Variants in DYDC1 observed in about 807,000 individuals in gnomAD.
The protein encoded by DYDC1 is DPY30 domain containing 1, also known as DPY30 domain-containing protein 1.
In DYDC1, 21 loss-of-function variants were observed where a neutral mutation model predicts 27.9. The observed-to-expected ratio is 0.75, with a 90% CI of 0.53 to 1.08. The LOEUF (loss-of-function observed/expected upper bound fraction) is 1.08. Among genes scored for constraint, DYDC1 ranks in the 50% least tolerant of loss-of-function variants. The pLI, the probability that DYDC1 is intolerant of heterozygous loss-of-function variation, is 0.00. For missense variants in DYDC1, 202 were observed against 205.9 expected, an observed-to-expected ratio of 0.98 and a Z score of 0.12; for synonymous variants, 67 against 65.8, an observed-to-expected ratio of 1.02 and a Z score of -0.09.
Position 80,346,444 on chromosome 10 carries a change from C to CTTTTTTTTTTTTTTTTTTTTTTTT in DYDC1, c.250-4107_250-4084dup, listed in dbSNP as rs1032729095. Among the ~76,000 whole-genome samples, 54 of 83,358 alleles carry CTTTTTTTTTTTTTTTTTTTTTTTT rather than the reference C, an allele frequency of 6.5e-4. 8 individuals are homozygous for CTTTTTTTTTTTTTTTTTTTTTTTT. The highest frequency in any genetic ancestry group is 2.2e-3 in the African/African-American group (44 of 20,114). The allele number at this position is 83,358 out of a possible 152,430, so 54.7% of individuals were successfully genotyped here. A position where few individuals can be genotyped will look rare whatever the true frequency, so the allele number is the denominator to read the frequency against. On this transcript the variant is annotated intron_variant, in intron 3 of 6. Coordinates refer to ENST00000372202, the MANE Select transcript of DYDC1 (RefSeq NM_001269053.2). Reference sequence around the variant, plus strand: ...TCACCAATGTGTGTCTCTTCCCTTTCTTTTTTTTTTTTTTTTTTTTTTTTT... The same window carrying CTTTTTTTTTTTTTTTTTTTTTTTT: ...TCACCAATGTGTGTCTCTTCCCTTTCTTTTTTTTTTTTTTTTTTTTTTTTTTTTTTTTTTTTTTTTTTTTTTTTT...
At chr10:80,351,792 G>A (rs1564666260) in intron 3 of DYDC1, 109 bp downstream of exon 3, 9 of 927,958 alleles carry the variant, frequency 9.7e-6, no homozygotes, top group African/African-American at 1.7e-5. Flanking sequence ...ATATTAGGAA[G>A]CCATATCTAA....
chr10:80,336,233 T>G, intron 6 of DYDC1, 48 bp from the exon 7 acceptor site: 1 of 1,524,136 alleles, frequency 6.6e-7, no homozygotes, highest in Non-Finnish European at 8.7e-7. Context: ...ATTAGAACTG[T>G]GAAAAGGCAC....
At chr10:80,343,977 G>A (rs1362182934) in intron 3 of DYDC1, among the ~76,000 whole-genome samples, 2 of 152,046 alleles carry the variant, frequency 1.3e-5, no homozygotes, top group East Asian at 1.9e-4. Context: ...AAAATTACGC[G>A]TGGTAGCAGG....
At chr10:80,341,559 C>T (rs1842320203) in intron 4 of DYDC1, among the ~76,000 whole-genome samples, 1 of 149,714 alleles carries the variant, frequency 6.7e-6, no homozygotes, top group South Asian at 2.1e-4. Context: ...AATACATTAA[C>T]ATAAAGACAT....
intron 3 of DYDC1, among the ~76,000 whole-genome samples, chr10:80,350,287 T>G (rs1304082195): frequency 6.6e-6 from 1 of 152,152 alleles, no homozygotes; most frequent in Admixed American, 6.6e-5. Flanking sequence ...TATGCATAAG[T>G]AGGATAAAGT....
intron 4 of DYDC1, among the ~76,000 whole-genome samples, chr10:80,339,850 C>T (rs928984903): frequency 2.0e-5 from 3 of 152,142 alleles, no homozygotes; most frequent in African/African-American, 7.2e-5. Context: ...ACTGTTTTCC[C>T]AAGACCACTC....
chr10:80,356,443 C>T (rs1175307421), intron 1 of DYDC1: 1 of 985,244 alleles, frequency 1.0e-6, no homozygotes, highest in Non-Finnish European at 1.2e-6. Context: ...ATCTGGCAAC[C>T]TCCCGGGGCG....
chr10:80,338,344 A>C, intron 6 of DYDC1, 123 bp downstream of exon 6: 1 of 1,391,906 alleles, frequency 7.2e-7, no homozygotes, highest in Non-Finnish European at 9.3e-7. Flanking sequence ...CTTTCTCTGA[A>C]GCAAAAGGCC....
chr10:80,337,475 C>T, intron 6 of DYDC1: 1 of 978,314 alleles, frequency 1.0e-6, no homozygotes, highest in Non-Finnish European at 1.2e-6. Context: ...CTCCTGACAC[C>T]TACTTCTCCA....
At chr10:80,355,236 C>G (rs911820866) in intron 1 of DYDC1, among the ~76,000 whole-genome samples, 1 of 151,886 alleles carries the variant, frequency 6.6e-6, no homozygotes, top group African/African-American at 2.4e-5. Flanking sequence ...TGGACAAATG[C>G]ATCTAGCATT....
At chr10:80,344,093 G>T (rs1206157424) in intron 3 of DYDC1, among the ~76,000 whole-genome samples, 1 of 152,096 alleles carries the variant, frequency 6.6e-6, no homozygotes, top group African/African-American at 2.4e-5. Context: ...TCCAGCCTGG[G>T]TGACAGAGCG....
intron 3 of DYDC1, among the ~76,000 whole-genome samples, chr10:80,345,000 T>TA (rs1187830136): frequency 6.6e-6 from 1 of 152,128 alleles, no homozygotes; most frequent in African/African-American, 2.4e-5. Flanking sequence ...CTGACAGTGA[T>TA]AAAAATACAT....
At chr10:80,355,204 C>T (rs1234277413) in intron 1 of DYDC1, among the ~76,000 whole-genome samples, 1 of 151,858 alleles carries the variant, frequency 6.6e-6, no homozygotes, top group Non-Finnish European at 1.5e-5. Flanking sequence ...GGATAGAATG[C>T]CACTGTGTCT....
At chr10:80,350,319 G>A (rs995644457) in intron 3 of DYDC1, among the ~76,000 whole-genome samples, 1 of 152,188 alleles carries the variant, frequency 6.6e-6, no homozygotes, top group South Asian at 2.1e-4. Flanking sequence ...AGAGAGTTAT[G>A]TATCTCCCAC....
At chr10:80,336,313 T>C in intron 6 of DYDC1, 128 bp from the exon 7 acceptor site, 1 of 1,371,222 alleles carries the variant, frequency 7.3e-7, no homozygotes, top group Non-Finnish European at 9.3e-7. Flanking sequence ...GAGTTTCAGA[T>C]GATTTCAAAT....
At chr10:80,341,388 A>G (rs1160628251) in intron 4 of DYDC1, among the ~76,000 whole-genome samples, 1 of 142,684 alleles carries the variant, frequency 7.0e-6, no homozygotes, top group Non-Finnish European at 1.5e-5. Context: ...GGTTGCAGTG[A>G]GCCGAGATCA....
rs755288858 is a variant in DYDC1 at position 80,338,594 on chromosome 10, T to C, written c.400-23A>G. ...TTCCTACAATCAAAAAATTGATTTT[T>C]ACTTTTAAATGATTTCAAAATTAAT... On this transcript the variant is annotated intron_variant, in intron 5 of 6. Transcript: ENST00000372202. 14 of 1,523,162 alleles carry C rather than the reference T, an allele frequency of 9.2e-6. No homozygotes were observed. In the Admixed American group the frequency reaches 1.2e-4, roughly 13 times the overall value. 94.4% of individuals were successfully genotyped at this position (1,523,162 alleles called of 1,614,324 possible).
intron 1 of DYDC1, chr10:80,354,216 G>C (rs1301784838): frequency 6.6e-6 from 1 of 151,568 alleles, no homozygotes; most frequent in East Asian, 1.9e-4. Context: ...GCCGGGCACA[G>C]TGGCTCACAC....
chr10:80,353,068 C>T (rs1188332201), intron 1 of DYDC1, among the ~76,000 whole-genome samples: 1 of 152,068 alleles, frequency 6.6e-6, no homozygotes, highest in African/African-American at 2.4e-5. Context: ...GATTCCAAAA[C>T]CCTAACCCTA....
Sources: gnomAD v4.1 joint callset for allele counts (sites outside exome capture counted in the v4.1 genomes callset) on GRCh38, gnomAD v4.1.1 for gene constraint, MANE v1.5 for transcripts, NCBI Gene and HGNC (gene_info 2026-07-23, HGNC 2026-07-21) for gene names.